Variants in POU2F1 observed in about 807,000 individuals in gnomAD.
POU2F1 encodes the protein POU class 2 homeobox 1.
A neutral mutation model predicts 84.9 loss-of-function variants in POU2F1; 16 were observed. The ratio of observed to expected loss-of-function variants is 0.19; its 90% CI spans 0.13 to 0.29. POU2F1 has a LOEUF of 0.29. POU2F1 is among the 10% of genes least tolerant of loss of function. The pLI is 1.00. For missense variants in POU2F1, 738 were observed against 942.6 expected, an observed-to-expected ratio of 0.78 and a Z score of 2.84; for synonymous variants, 368 against 368.3, an observed-to-expected ratio of 1.00 and a Z score of 0.01.
chr1:167,253,381 C>T (rs75011943), intron 1 of POU2F1, among the ~76,000 whole-genome samples: 1 of 18,454 alleles, frequency 5.4e-5, no homozygotes, highest in Non-Finnish European at 1.7e-4. Flanking sequence ...TTTCTGCCCC[C>T]CCCCCCCCAA....
At chr1:167,267,338 G>A (rs1652037944) in intron 1 of POU2F1, among the ~76,000 whole-genome samples, 1 of 151,888 alleles carries the variant, frequency 6.6e-6, no homozygotes, top group Admixed American at 6.6e-5. Flanking sequence ...AATGGGAATA[G>A]GATAGTTTCC....
intron 7 of POU2F1, among the ~76,000 whole-genome samples, chr1:167,383,213 G>C (rs756798754): frequency 2.0e-5 from 3 of 151,986 alleles, no homozygotes; most frequent in Non-Finnish European, 4.4e-5. Context: ...AGACATTCTG[G>C]GTTGGTCCTG....
chr1:167,284,903 T>G (rs1437690015), intron 1 of POU2F1, among the ~76,000 whole-genome samples: 2 of 152,256 alleles, frequency 1.3e-5, no homozygotes, highest in African/African-American at 4.8e-5. Context: ...TAGAACTGTT[T>G]TGCTTTGCTG....
At chr1:167,295,381 A>G (rs966751025) in intron 1 of POU2F1, among the ~76,000 whole-genome samples, 4 of 152,236 alleles carry the variant, frequency 2.6e-5, no homozygotes, top group African/African-American at 9.6e-5. Context: ...TTTTGCAGCA[A>G]CTTGGTTGGA....
Position 167,412,296 on chromosome 1 carries a change from T to G in POU2F1, c.1893T>G (p.Phe631Leu). ...CAAGCCTGATGGCACCCTCACAGTT[T>G]GCGGCTGGGTAAGGCGCTTTCTCAT... Reference protein sequence around the residue: ...LNPSLMAPSQFAAGGALLSLN... With the variant: ...LNPSLMAPSQLAAGGALLSLN... The change falls in exon 14 of 16, where the codon TTT (phenylalanine) becomes TTG (leucine). Residue 631 changes from phenylalanine to leucine, a missense_variant. Transcript: ENST00000367866. 6.5e-7 allele frequency: 1 copy of G among 1,544,460 alleles called. No individual in the cohort carries two copies. The highest frequency in any genetic ancestry group is 1.2e-5 in the South Asian group (1 of 83,748).
intron 1 of POU2F1, among the ~76,000 whole-genome samples, chr1:167,271,482 C>T (rs1368882900): frequency 6.6e-6 from 1 of 152,158 alleles, no homozygotes; most frequent in Non-Finnish European, 1.5e-5. Context: ...GGTCAGACTT[C>T]TATATTTATT....
intron 1 of POU2F1, among the ~76,000 whole-genome samples, chr1:167,268,293 C>G (rs1652124037): frequency 6.6e-6 from 1 of 152,152 alleles, no homozygotes; most frequent in South Asian, 2.1e-4. Flanking sequence ...CAGTTCATTA[C>G]TTTCCAACTC....
At chr1:167,341,178 A>G (rs770165843) in intron 2 of POU2F1, among the ~76,000 whole-genome samples, 3 of 152,192 alleles carry the variant, frequency 2.0e-5, no homozygotes, top group Non-Finnish European at 4.4e-5. Flanking sequence ...CCAATTCTTC[A>G]GACTTCATTG....
chr1:167,399,285 G>A lies in POU2F1; in HGVS notation c.1369G>A (p.Glu457Lys). The change falls in exon 12 of 16, where the codon GAA becomes AAA. Residue 457 changes from glutamate to lysine, a missense_variant. Transcript: ENST00000367866. ...TTGGTTCTGTAACCGCCGCCAGAAAGAAAAAAGAATCAACCCACCAAGCAG... is the reference window on the plus strand; with the variant it reads ...TTGGTTCTGTAACCGCCGCCAGAAAAAAAAAAGAATCAACCCACCAAGCAG... ...RVWFCNRRQK[E>K]KRINPPSSGG... The A allele has an allele frequency of 6.2e-7, 1 of 1,613,962 alleles. No homozygotes were observed. Among genetic ancestry groups the A allele is most frequent in the South Asian group, 1.1e-5 (1 of 91,076 alleles).
rs1014062416 is a variant in POU2F1 at position 167,423,236 on chromosome 1, A to G, written c.*7426A>G. 4 of 152,190 alleles carry G rather than the reference A, an allele frequency of 2.6e-5. No homozygotes were observed. The highest frequency in any genetic ancestry group is 4.4e-5 in the Non-Finnish European group (3 of 68,028). The allele number at this position is 152,190 out of a possible 1,614,324, so 9.4% of individuals were successfully genotyped here. A position where few individuals can be genotyped will look rare whatever the true frequency, so the allele number is the denominator to read the frequency against. ...TGTTTTGTTCCAAATGTTTTTATAT[A>G]TGGGCTCTAGGGAGTCAGGTAGTTC... On this transcript the variant is annotated 3_prime_UTR_variant, in exon 16 of 16. Coordinates refer to ENST00000367866, the MANE Select transcript of POU2F1 (RefSeq NM_002697.4).
chr1:167,341,858 C>T (rs1340227935), intron 2 of POU2F1, among the ~76,000 whole-genome samples: 3 of 152,074 alleles, frequency 2.0e-5, no homozygotes, highest in Non-Finnish European at 2.9e-5. Flanking sequence ...GGAGGTGGCT[C>T]TTAGCGGGAT....
At chr1:167,353,904 C>G (rs140831329) in intron 2 of POU2F1, among the ~76,000 whole-genome samples, 156 of 152,258 alleles carry the variant, frequency 1.0e-3, no homozygotes, top group African/African-American at 3.6e-3. Context: ...ACCACTATCC[C>G]GAAGTTAGCG....
rs754761607 is a variant in POU2F1 at position 167,421,232 on chromosome 1, C to T, written c.*5422C>T. On this transcript the variant is annotated 3_prime_UTR_variant, in exon 16 of 16. Transcript: ENST00000367866. ...TTTGCTATTTCTGTAAGAAGAATAA[C>T]TGAGATCAGCTATTATATAGGTTTG... 1.4e-4 allele frequency: 22 copies of T among 152,280 alleles called. No individual in the cohort carries two copies. Among genetic ancestry groups the T allele is most frequent in the Middle Eastern group, 3.4e-3 (1 of 294 alleles). The allele number at this position is 152,280 out of a possible 1,614,324, so 9.4% of individuals were successfully genotyped here. A position where few individuals can be genotyped will look rare whatever the true frequency, so the allele number is the denominator to read the frequency against.
chr1:167,333,428 C>T (rs560574048), intron 2 of POU2F1, among the ~76,000 whole-genome samples: 130 of 152,240 alleles, frequency 8.5e-4, no homozygotes, highest in Non-Finnish European at 1.6e-3. Context: ...CTAGGTTTTT[C>T]GCTTGCAGAG....
intron 9 of POU2F1, 149 bp from the exon 10 acceptor site, chr1:167,396,137 G>A: frequency 1.2e-6 from 1 of 855,256 alleles, no homozygotes; most frequent in South Asian, 1.7e-5. Context: ...GCTTAGGGAT[G>A]GAGTTTATGT....
chr1:167,312,734 C>T (rs1655590125), intron 1 of POU2F1, among the ~76,000 whole-genome samples: 2 of 152,168 alleles, frequency 1.3e-5, no homozygotes, highest in Non-Finnish European at 2.9e-5. Flanking sequence ...CACTGGCTCA[C>T]CCATAGCAAT....
intron 1 of POU2F1, among the ~76,000 whole-genome samples, chr1:167,259,610 T>G (rs1038936473): frequency 3.9e-5 from 6 of 152,240 alleles, no homozygotes; most frequent in Non-Finnish European, 7.4e-5. Flanking sequence ...ATAGAGTGCA[T>G]GGACAAAATG....
At chr1:167,318,596 TACTG>T (rs1656086077) in intron 1 of POU2F1, among the ~76,000 whole-genome samples, 1 of 152,214 alleles carries the variant, frequency 6.6e-6, no homozygotes, top group South Asian at 2.1e-4. Context: ...TTATGGTAAA[TACTG>T]AGACCAGAAA....
At chr1:167,234,024 A>AG (rs1210334617) in intron 1 of POU2F1, among the ~76,000 whole-genome samples, 1 of 152,242 alleles carries the variant, frequency 6.6e-6, no homozygotes, top group Non-Finnish European at 1.5e-5. Flanking sequence ...AAAGAGGCTA[A>AG]GTGGCACACC....
Sources: allele counts gnomAD v4.1 joint callset (sites outside exome capture counted in the v4.1 genomes callset), GRCh38; gene constraint gnomAD v4.1.1; transcripts MANE v1.5; gene names NCBI Gene and HGNC (gene_info 2026-07-23, HGNC 2026-07-21).